CTNND2: variants seen among roughly 807,000 people sequenced by gnomAD.
The protein encoded by CTNND2 is catenin delta 2, also known as catenin delta-2.
In CTNND2, 22 loss-of-function variants were observed where a neutral mutation model predicts 144.4. The ratio of observed to expected loss-of-function variants is 0.15; its 90% CI spans 0.11 to 0.22. The LOEUF is 0.22. Ranked by LOEUF, CTNND2 falls within the 10% of genes least tolerant of loss-of-function variation. CTNND2 has a pLI of 1.00. For missense variants in CTNND2, 1,353 were observed against 1,618.8 expected (o/e 0.84, Z 2.82); for synonymous variants, 751 against 695.6 (o/e 1.08, Z -1.25).
At chr5:11,307,683 T>C (rs1750390089) in intron 9 of CTNND2, among the ~76,000 whole-genome samples, 1 of 152,154 alleles carries the variant, frequency 6.6e-6, no homozygotes. Context: ...GAAAAAAGTA[T>C]CAATTATAGA....
intron 11 of CTNND2, among the ~76,000 whole-genome samples, chr5:11,180,194 T>C (rs1468131886): frequency 1.3e-5 from 2 of 152,092 alleles, no homozygotes. Flanking sequence ...TGAGATCCAG[T>C]GGTTTTAAAG....
At chr5:11,647,398 G>C (rs1218112129) in intron 2 of CTNND2, among the ~76,000 whole-genome samples, 1 of 151,950 alleles carries the variant, frequency 6.6e-6, no homozygotes, top group Non-Finnish European at 1.5e-5. Flanking sequence ...TCCAACATCA[G>C]CTGGTCCTCC....
chr5:11,004,770 C>CAAA (rs56261802), intron 18 of CTNND2, among the ~76,000 whole-genome samples: 12 of 88,804 alleles, frequency 1.4e-4, no homozygotes, highest in Admixed American at 2.5e-4. Context: ...CTCCTTCTCA[C>CAAA]AAAAAAAAAA....
chr5:11,343,065 A>G (rs1287464106), intron 9 of CTNND2, among the ~76,000 whole-genome samples: 1 of 152,212 alleles, frequency 6.6e-6, no homozygotes, highest in African/African-American at 2.4e-5. Context: ...TGGATAAGAC[A>G]TTTCTGTGGG....
intron 9 of CTNND2, among the ~76,000 whole-genome samples, chr5:11,280,237 G>C (rs1746978691): frequency 6.6e-6 from 1 of 152,176 alleles, no homozygotes; most frequent in African/African-American, 2.4e-5. Context: ...ACACAGGACA[G>C]AAAGTGTTAA....
At chr5:11,338,642 C>T (rs1479430253) in intron 9 of CTNND2, among the ~76,000 whole-genome samples, 1 of 152,260 alleles carries the variant, frequency 6.6e-6, no homozygotes, top group East Asian at 1.9e-4. Context: ...ATCATGGAGG[C>T]CCCTATGCCA....
intron 2 of CTNND2, among the ~76,000 whole-genome samples, chr5:11,651,733 T>C (rs1276353741): frequency 6.6e-6 from 1 of 152,210 alleles, no homozygotes; most frequent in Non-Finnish European, 1.5e-5. Flanking sequence ...AGCTTTAAGA[T>C]TAAATGACTG....
At chr5:11,710,721 T>C (rs1395343311) in intron 2 of CTNND2, among the ~76,000 whole-genome samples, 4 of 152,128 alleles carry the variant, frequency 2.6e-5, no homozygotes, top group Non-Finnish European at 5.9e-5. Context: ...TTTCCCTAAA[T>C]GCCTCAGCCT....
intron 1 of CTNND2, among the ~76,000 whole-genome samples, chr5:11,798,914 T>C (rs1791540154): frequency 1.3e-5 from 2 of 152,220 alleles, no homozygotes; most frequent in South Asian, 4.1e-4. Context: ...TTAAAATGTT[T>C]GTGCTCTTTA....
intron 3 of CTNND2, among the ~76,000 whole-genome samples, chr5:11,475,824 T>C (rs1462924421): frequency 6.6e-6 from 1 of 152,114 alleles, no homozygotes; most frequent in African/African-American, 2.4e-5. Flanking sequence ...TACCAGATGA[T>C]TCTGGGGACT....
chr5:11,599,617 T>G (rs765839351), intron 2 of CTNND2, among the ~76,000 whole-genome samples: 1 of 152,166 alleles, frequency 6.6e-6, no homozygotes, highest in Non-Finnish European at 1.5e-5. Flanking sequence ...TGCTAGTTCT[T>G]AAAATCCCAA....
At chr5:11,044,563 T>TAA (rs1203897036) in intron 16 of CTNND2, among the ~76,000 whole-genome samples, 4 of 150,688 alleles carry the variant, frequency 2.7e-5, no homozygotes, top group African/African-American at 9.8e-5. Flanking sequence ...TATATATATA[T>TAA]AAATGGGTTG....
At chr5:11,712,993 C>T (rs746903331) in intron 2 of CTNND2, among the ~76,000 whole-genome samples, 7 of 152,006 alleles carry the variant, frequency 4.6e-5, no homozygotes, top group South Asian at 2.1e-4. Context: ...AAATAAAGTT[C>T]GAGCCACATT....
chr5:11,652,419 T>A (rs1428909321), intron 2 of CTNND2, among the ~76,000 whole-genome samples: 4 of 152,314 alleles, frequency 2.6e-5, no homozygotes, highest in African/African-American at 9.6e-5. Flanking sequence ...CTCAGGTGGT[T>A]CTTTAGAGCA....
intron 18 of CTNND2, among the ~76,000 whole-genome samples, chr5:11,011,359 G>A (rs890639223): frequency 3.3e-5 from 5 of 151,896 alleles, no homozygotes; most frequent in South Asian, 2.1e-4. Context: ...GATTACAGGC[G>A]GATTGCACTG....
intron 11 of CTNND2, among the ~76,000 whole-genome samples, chr5:11,176,337 A>G (rs1760476155): frequency 1.0e-5 from 1 of 96,882 alleles, no homozygotes; most frequent in African/African-American, 3.9e-5. Context: ...TGTCTTGGTG[A>G]GAGCAAGCTT....
intron 9 of CTNND2, among the ~76,000 whole-genome samples, chr5:11,247,927 G>T (rs944266136): frequency 6.6e-6 from 1 of 151,870 alleles, no homozygotes; most frequent in Non-Finnish European, 1.5e-5. Context: ...GCTACAAAAT[G>T]GAAAAAATAA....
Position 11,641,908 on chromosome 5 carries a change from T to C in CTNND2, c.175-76852A>G, listed in dbSNP as rs150800308. On this transcript the variant is annotated intron_variant, in intron 2 of 21. Transcript: ENST00000304623. ...GTTATTAAAAGGATTCTTTAGGTAA[T>C]ACAAAACAATTTACATGTTTAAAAT... Among the ~76,000 whole-genome samples, 35 of 152,152 alleles carry C rather than the reference T, an allele frequency of 2.3e-4. No individual in the cohort carries two copies. The East Asian group carries it at 6.2e-3, about 27-fold the overall frequency.
chr5:11,396,757 CAT>C (rs1176005585), intron 6 of CTNND2, among the ~76,000 whole-genome samples: 1 of 152,130 alleles, frequency 6.6e-6, no homozygotes, highest in Non-Finnish European at 1.5e-5. Context: ...TGGACACTGA[CAT>C]AGTCACACAG....
Sources: allele counts gnomAD v4.1 joint callset (sites outside exome capture counted in the v4.1 genomes callset), GRCh38; gene constraint gnomAD v4.1.1; transcripts MANE v1.5; gene names NCBI Gene and HGNC (gene_info 2026-07-23, HGNC 2026-07-21).